IL6ST: variants seen among roughly 807,000 people sequenced by gnomAD.
IL6ST encodes the protein interleukin-6 receptor subunit beta.
In IL6ST, 24 loss-of-function variants were observed where a neutral mutation model predicts 91.3. The ratio of observed to expected loss-of-function variants is 0.26; its 90% confidence interval spans 0.19 to 0.37. The LOEUF (loss-of-function observed/expected upper bound fraction) is 0.37. Among genes scored for constraint, IL6ST ranks in the 10% least tolerant of loss-of-function variants. The pLI is 1.00. For missense variants in IL6ST, 914 were observed against 1,078.5 expected, an observed-to-expected ratio of 0.85 and a Z score of 2.14; for synonymous variants, 351 against 373.6, an observed-to-expected ratio of 0.94 and a Z score of 0.70.
chr5:55,953,820 C>G (rs1018263304), intron 11 of IL6ST, among the ~76,000 whole-genome samples: 2 of 152,152 alleles, frequency 1.3e-5, no homozygotes, highest in Admixed American at 1.3e-4. Context: ...GAGATTCCCT[C>G]TCTACAAAAA....
At chr5:55,980,182 T>C (rs1201184539) in intron 2 of IL6ST, among the ~76,000 whole-genome samples, 2 of 152,218 alleles carry the variant, frequency 1.3e-5, no homozygotes, top group Non-Finnish European at 2.9e-5. Flanking sequence ...CGCTCCACCA[T>C]ATACTCTGCA....
At chr5:55,945,410 T>C (rs1371068291) in intron 15 of IL6ST, among the ~76,000 whole-genome samples, 2 of 152,072 alleles carry the variant, frequency 1.3e-5, no homozygotes, top group Admixed American at 6.6e-5. Context: ...AAGACACTCT[T>C]TTCAAAATAA....
At chr5:55,954,367 T>C (rs1751830213) in intron 11 of IL6ST, among the ~76,000 whole-genome samples, 2 of 152,190 alleles carry the variant, frequency 1.3e-5, no homozygotes, top group Non-Finnish European at 2.9e-5. Flanking sequence ...TTGTTACTAC[T>C]TCCAATTGAA....
chr5:55,965,112 T>G (rs566113504), intron 5 of IL6ST, among the ~76,000 whole-genome samples: 35 of 152,266 alleles, frequency 2.3e-4, no homozygotes, highest in Admixed American at 1.1e-3. Context: ...GTGTACTGAG[T>G]ATGTAGTATA....
At chr5:55,949,002 A>G (rs543704494) in intron 14 of IL6ST, 10 of 152,304 alleles carry the variant, frequency 6.6e-5, no homozygotes, top group Non-Finnish European at 1.2e-4. Flanking sequence ...GAGAATTGAA[A>G]AAAGGTAGGT....
At chr5:55,974,936 T>TACACACAC (rs376327228) in intron 3 of IL6ST, among the ~76,000 whole-genome samples, 2 of 147,250 alleles carry the variant, frequency 1.4e-5, no homozygotes, top group South Asian at 4.3e-4. Flanking sequence ...GTATTATTCA[T>TACACACAC]ACACACACAC....
At chr5:55,983,254 G>C (rs1159813829) in intron 1 of IL6ST, among the ~76,000 whole-genome samples, 3 of 152,008 alleles carry the variant, frequency 2.0e-5, no homozygotes, top group Admixed American at 2.0e-4. Context: ...CCAAAGTGTT[G>C]GGATTACAGG....
intron 9 of IL6ST, 56 bp downstream of exon 9, chr5:55,957,153 T>G: frequency 1.1e-6 from 1 of 913,994 alleles, no homozygotes; most frequent in South Asian, 1.6e-5. Flanking sequence ...CGAGACTCGG[T>G]TTCAAAAAAA....
chr5:55,993,354 G>A (rs1198907910), intron 1 of IL6ST, among the ~76,000 whole-genome samples: 2 of 152,102 alleles, frequency 1.3e-5, no homozygotes, highest in Non-Finnish European at 2.9e-5. Flanking sequence ...TCTATAAAGG[G>A]GACATTTTAA....
At position 55,937,539 on chromosome 5, in the gene IL6ST, T is replaced by C. The variant is rs1455703381; in HGVS notation, c.*3543A>G. On this transcript the variant is annotated 3_prime_UTR_variant, in exon 17 of 17. Transcript: ENST00000381298. ...TGCCAAGGACCAGTCCAAAGAAGAA[T>C]TAGGCTGTAAGACTGCTAGTTCATA... 2 of 207,762 alleles carry C rather than the reference T, an allele frequency of 9.6e-6. No homozygotes were observed. Among genetic ancestry groups the C allele is most frequent in the Non-Finnish European group, 2.0e-5 (2 of 101,846 alleles). 12.9% of individuals were successfully genotyped at this position (207,762 alleles called of 1,614,324 possible).
rs143384070 is a variant in IL6ST, at chr5:55,986,951, G to A, written c.-103-4140C>T. Among the ~76,000 whole-genome samples the A allele has an allele frequency of 9.3e-4, 142 of 152,266 alleles. 1 individual carries two copies. The highest frequency in any genetic ancestry group is 3.2e-3 in the African/African-American group (132 of 41,532). ...AGGCCAAGGCAGGAGGATCACTTAA[G>A]CCCAGAAGTTTAAGATCAGGTTGGG... On this transcript the variant is annotated intron_variant, in intron 1 of 16. Transcript: ENST00000381298.
chr5:55,954,762 A>G, intron 11 of IL6ST, 48 bp downstream of exon 11: 2 of 1,429,414 alleles, frequency 1.4e-6, no homozygotes, highest in Non-Finnish European at 1.9e-6. Context: ...AAGCTGCCTA[A>G]AGAGTTAGAA....
intron 14 of IL6ST, among the ~76,000 whole-genome samples, chr5:55,947,962 T>C (rs1242789736): frequency 6.6e-6 from 1 of 152,230 alleles, no homozygotes; most frequent in Admixed American, 6.5e-5. Flanking sequence ...TGAGTTCTAA[T>C]ACTGTATAAC....
rs892252735 is a variant in IL6ST, at chr5:55,939,277, C to T, written c.*1805G>A. On this transcript the variant is annotated 3_prime_UTR_variant, in exon 17 of 17. Transcript: ENST00000381298. ...CTCTGTGCCTGATTTTCCTCATCTA[C>T]TTTGAATTCGTCATTCTATTAATCT... The T allele has an allele frequency of 9.5e-5, 20 of 210,146 alleles. No homozygotes were observed. Among genetic ancestry groups the T allele is most frequent in the Middle Eastern group, 1.5e-3 (1 of 676 alleles). The allele number at this position is 210,146 out of a possible 1,614,324, so 13.0% of individuals were successfully genotyped here.
intron 15 of IL6ST, among the ~76,000 whole-genome samples, chr5:55,946,049 G>A (rs1189435593): frequency 6.6e-6 from 1 of 152,090 alleles, no homozygotes; most frequent in Non-Finnish European, 1.5e-5. Flanking sequence ...CACTCTTATA[G>A]CTCAATTATA....
rs1313603163 is a variant in IL6ST at position 55,938,628 on chromosome 5, C to G, written c.*2454G>C. On this transcript the variant is annotated 3_prime_UTR_variant, in exon 17 of 17. Transcript: ENST00000381298. The stretch of plus-strand genomic sequence containing the variant: ...AGATTTAAAGTGATAAAGCCACTAA[C>G]TAACTTTATTAGACTAGTTTTTACA... 5.1e-6 allele frequency: 1 copy of G among 196,576 alleles called. No homozygotes were observed. The highest frequency in any genetic ancestry group is 2.3e-5 in the African/African-American group (1 of 43,326). 12.2% of individuals were successfully genotyped at this position (196,576 alleles called of 1,614,324 possible).
At position 55,954,764 on chromosome 5, in the gene IL6ST, G is replaced by C. The variant is rs773821132; in HGVS notation, c.1450+46C>G. On this transcript the variant is annotated intron_variant, in intron 11 of 16. Transcript: ENST00000381298. The stretch of plus-strand genomic sequence containing the variant: ...TAAGCAAAAGAAAAAGCTGCCTAAA[G>C]AGTTAGAAAAAGGATATCAATTTAG... 7 of 1,436,906 alleles carry C rather than the reference G, an allele frequency of 4.9e-6. No homozygotes were observed. The East Asian group carries it at 1.6e-4, about 33-fold the overall frequency. 89.0% of individuals were successfully genotyped at this position (1,436,906 alleles called of 1,614,324 possible).
chr5:55,948,304 T>C (rs565472318), intron 14 of IL6ST, among the ~76,000 whole-genome samples: 7 of 152,262 alleles, frequency 4.6e-5, no homozygotes, highest in African/African-American at 1.7e-4. Context: ...ACATTGGAGA[T>C]TTTTTAAATG....
intron 2 of IL6ST, among the ~76,000 whole-genome samples, chr5:55,977,102 T>C (rs747762638): frequency 3.3e-5 from 5 of 151,712 alleles, no homozygotes; most frequent in African/African-American, 7.3e-5. Context: ...ATTCAAACAA[T>C]GGTAGAGACA....
Sources: allele counts gnomAD v4.1 joint callset (sites outside exome capture counted in the v4.1 genomes callset), GRCh38; gene constraint gnomAD v4.1.1; transcripts MANE v1.5; gene names NCBI Gene and HGNC (gene_info 2026-07-23, HGNC 2026-07-21).